DLGAP2: variants seen among roughly 807,000 people sequenced by gnomAD.
The protein encoded by DLGAP2 is disks large-associated protein 2.
Under a neutral mutation model 100.3 loss-of-function variants are expected in DLGAP2, and 26 were observed. The ratio of observed to expected loss-of-function variants is 0.26; its 90% CI spans 0.19 to 0.36. The LOEUF (loss-of-function observed/expected upper bound fraction) is 0.36. Ranked by LOEUF, DLGAP2 falls within the 10% of genes least tolerant of loss-of-function variation. DLGAP2 has a pLI of 1.00. For missense variants in DLGAP2, 1,858 were observed against 1,453.2 expected (o/e 1.28, Z -4.53); for synonymous variants, 886 against 630.1 (o/e 1.41, Z -6.08).
At chr8:1,213,708 G>T (rs998841438) in intron 2 of DLGAP2, among the ~76,000 whole-genome samples, 2 of 152,094 alleles carry the variant, frequency 1.3e-5, no homozygotes, top group Admixed American at 6.5e-5. Context: ...ATATCCAAGG[G>T]CCCTCTCCCA....
Position 1,549,562 on chromosome 8 carries a change from C to G in DLGAP2, c.1109C>G (p.Ser370Cys). ...TPDAKYLKRS[S>C]WSTLTVSQAK... ...GACGCCAAGTACCTGAAGCGCAGCT[C>G]CTGGTCTACGCTGACGGTCAGCCAG... The change falls in exon 5 of 15, where the codon TCC becomes TGC. Residue 370 changes from serine (S) to cysteine (C), a missense_variant. By Grantham distance (112) the Ser-to-Cys change is moderately radical. Coordinates refer to ENST00000637795, the MANE Select transcript of DLGAP2 (RefSeq NM_001346810.2). 6.2e-7 allele frequency: 1 copy of G among 1,613,118 alleles called. No individual in the cohort carries two copies. Among genetic ancestry groups the G allele is most frequent in the Non-Finnish European group, 8.5e-7 (1 of 1,179,812 alleles).
At chr8:1,430,794 G>A (rs1423648701) in intron 3 of DLGAP2, among the ~76,000 whole-genome samples, 3 of 152,198 alleles carry the variant, frequency 2.0e-5, no homozygotes, top group Admixed American at 2.0e-4. Flanking sequence ...AACATCCTTT[G>A]TTAGTCTTTA....
intron 2 of DLGAP2, among the ~76,000 whole-genome samples, chr8:1,227,432 T>A (rs541373343): frequency 2.0e-5 from 3 of 151,818 alleles, no homozygotes; most frequent in Non-Finnish European, 4.4e-5. Flanking sequence ...TTTGAGCCTG[T>A]GGCTGTCTTC....
At chr8:1,533,325 C>T (rs562900052) in intron 4 of DLGAP2, among the ~76,000 whole-genome samples, 1 of 151,844 alleles carries the variant, frequency 6.6e-6, no homozygotes, top group East Asian at 1.9e-4. Context: ...GGTGAAACCC[C>T]GTCTCTACTA....
chr8:1,100,124 T>A (rs575963862), intron 2 of DLGAP2, among the ~76,000 whole-genome samples: 1 of 149,252 alleles, frequency 6.7e-6, no homozygotes, highest in African/African-American at 2.4e-5. Flanking sequence ...ATGTACAGTG[T>A]GTGTAGGGAA....
chr8:799,843 T>C (rs1488772454), intron 1 of DLGAP2, among the ~76,000 whole-genome samples: 1 of 152,204 alleles, frequency 6.6e-6, no homozygotes, highest in Non-Finnish European at 1.5e-5. Context: ...GTGGTCCTCC[T>C]ACCTTGGCCT....
intron 2 of DLGAP2, among the ~76,000 whole-genome samples, chr8:1,043,227 A>ATGTGGGTGGTGGGTGTGGGTGGTGGG (rs1563161464): frequency 1.1e-4 from 2 of 18,872 alleles, no homozygotes; most frequent in Non-Finnish European, 2.1e-4. Flanking sequence ...TGGGTGGTGG[A>ATGTGGGTGGTGGGTGTGGGTGGTGGG]TGTGGGTGGT....
At chr8:1,017,879 C>G (rs1273365748) in intron 2 of DLGAP2, among the ~76,000 whole-genome samples, 1 of 152,230 alleles carries the variant, frequency 6.6e-6, no homozygotes, top group Non-Finnish European at 1.5e-5. Context: ...TGGCCTGCAT[C>G]CTGCCACTGA....
chr8:1,322,663 C>G (rs1181817427), intron 3 of DLGAP2, among the ~76,000 whole-genome samples: 1 of 152,238 alleles, frequency 6.6e-6, no homozygotes, highest in African/African-American at 2.4e-5. Context: ...ATGCATGCAC[C>G]CACCCATCGT....
At chr8:1,438,278 G>A (rs902067586) in intron 3 of DLGAP2, among the ~76,000 whole-genome samples, 2 of 152,146 alleles carry the variant, frequency 1.3e-5, no homozygotes, top group African/African-American at 2.4e-5. Flanking sequence ...CCCCAACCAT[G>A]TCATGGATAT....
At position 1,484,723 on chromosome 8, in the gene DLGAP2, T is replaced by C. The variant is rs79448528; in HGVS notation, c.107-16643T>C. ...TCCGTAAACTCTTATGGGAGATCCA[T>C]GAAAAATTAAACCAACCATAGTTGG... On this transcript the variant is annotated intron_variant, in intron 3 of 14. Coordinates refer to ENST00000637795, the MANE Select transcript of DLGAP2 (RefSeq NM_001346810.2). Among the ~76,000 whole-genome samples, 417 of 152,344 alleles carry C rather than the reference T, an allele frequency of 2.7e-3. 6 individuals carry two copies. The East Asian group carries it at 0.061, about 22-fold the overall frequency.
intron 3 of DLGAP2, among the ~76,000 whole-genome samples, chr8:1,452,081 C>T (rs1055391948): frequency 6.6e-6 from 1 of 152,280 alleles, no homozygotes; most frequent in African/African-American, 2.4e-5. Flanking sequence ...GTGAATTTGC[C>T]ACTGGGCATG....
intron 6 of DLGAP2, among the ~76,000 whole-genome samples, chr8:1,620,955 CCAGA>C (rs1797314043): frequency 6.6e-6 from 1 of 152,348 alleles, no homozygotes; most frequent in Non-Finnish European, 1.5e-5. Flanking sequence ...CCTCTGCTCT[CCAGA>C]CAAACAATGC....
Position 1,326,857 on chromosome 8 carries a change from A to G in DLGAP2, c.106+67974A>G, listed in dbSNP as rs927442676. Among the ~76,000 whole-genome samples, 28 of 152,218 alleles carry G rather than the reference A, an allele frequency of 1.8e-4. 1 individual carries two copies. The highest frequency in any genetic ancestry group is 5.9e-5 in the Non-Finnish European group (4 of 68,036). ...ACCTTCCTCCCTTTGGTGTTGTAGT[A>G]TATGTTGTTGTGGAAACATGTAAAC... On this transcript the variant is annotated intron_variant, in intron 3 of 14. Coordinates refer to ENST00000637795, the MANE Select transcript of DLGAP2 (RefSeq NM_001346810.2).
intron 2 of DLGAP2, among the ~76,000 whole-genome samples, chr8:973,368 C>T (rs1307516824): frequency 1.0e-4 from 15 of 148,672 alleles, no homozygotes; most frequent in African/African-American, 2.2e-4. Context: ...GGGTGGCTGC[C>T]GGGCGGAGGG....
intron 2 of DLGAP2, among the ~76,000 whole-genome samples, chr8:1,075,030 C>T (rs1000232964): frequency 6.6e-6 from 1 of 151,490 alleles, no homozygotes; most frequent in Non-Finnish European, 1.5e-5. Context: ...TGGGGGATGG[C>T]GACTACATCT....
At chr8:1,212,301 G>C (rs1171473155) in intron 2 of DLGAP2, among the ~76,000 whole-genome samples, 1 of 152,206 alleles carries the variant, frequency 6.6e-6, no homozygotes, top group Non-Finnish European at 1.5e-5. Flanking sequence ...AGTTCTAAGG[G>C]AAGAAAACAT....
At chr8:1,081,362 G>T (rs548087570) in intron 2 of DLGAP2, among the ~76,000 whole-genome samples, 1 of 152,144 alleles carries the variant, frequency 6.6e-6, no homozygotes, top group Non-Finnish European at 1.5e-5. Flanking sequence ...TTAAGAGAAA[G>T]TTTTTTTGAG....
At chr8:952,406 G>A (rs746206895) in intron 2 of DLGAP2, among the ~76,000 whole-genome samples, 1 of 152,166 alleles carries the variant, frequency 6.6e-6, no homozygotes. Flanking sequence ...TCCTTTGGGA[G>A]GCCAAGGATC....
Sources: allele counts gnomAD v4.1 joint callset (sites outside exome capture counted in the v4.1 genomes callset), GRCh38; gene constraint gnomAD v4.1.1; transcripts MANE v1.5; gene names NCBI Gene and HGNC (gene_info 2026-07-23, HGNC 2026-07-21).